The following DLGAP2 variants were observed in gnomAD, a reference collection of about 807,000 sequenced individuals.
DLGAP2 encodes disks large-associated protein 2.
In DLGAP2, 26 loss-of-function variants were observed where a neutral mutation model predicts 100.3. The ratio of observed to expected loss-of-function variants is 0.26; its 90% CI spans 0.19 to 0.36. The LOEUF (loss-of-function observed/expected upper bound fraction) is 0.36. Ranked by LOEUF, DLGAP2 falls within the 10% of genes least tolerant of loss-of-function variation. DLGAP2 has a pLI of 1.00. For synonymous variants in DLGAP2, 886 were observed against 630.1 expected (o/e 1.41, Z -6.08); for missense variants, 1,858 against 1,453.2 (o/e 1.28, Z -4.53).
At chr8:1,227,304 C>T (rs1798442441) in intron 2 of DLGAP2, among the ~76,000 whole-genome samples, 1 of 148,078 alleles carries the variant, frequency 6.8e-6, no homozygotes, top group African/African-American at 2.6e-5. Context: ...TCTTTTTCTC[C>T]TTTTCGATCA....
At chr8:1,266,089 C>G (rs1223495398) in intron 3 of DLGAP2, among the ~76,000 whole-genome samples, 1 of 152,198 alleles carries the variant, frequency 6.6e-6, no homozygotes, top group East Asian at 1.9e-4. Flanking sequence ...GACATAGAAC[C>G]TCACTGAAGG....
intron 1 of DLGAP2, among the ~76,000 whole-genome samples, chr8:773,568 A>C (rs1288347448): frequency 6.9e-6 from 1 of 145,098 alleles, no homozygotes; most frequent in African/African-American, 2.6e-5. Flanking sequence ...TCATTGTTCA[A>C]TTCCCACCTA....
chr8:1,287,298 A>G (rs1413174338), intron 3 of DLGAP2, among the ~76,000 whole-genome samples: 3 of 91,642 alleles, frequency 3.3e-5, no homozygotes, highest in Admixed American at 1.4e-4. Flanking sequence ...TAGGAGGGGA[A>G]CTAGTTTCGG....
chr8:1,058,358 G>T (rs989251984), intron 2 of DLGAP2, among the ~76,000 whole-genome samples: 2 of 152,190 alleles, frequency 1.3e-5, no homozygotes. Context: ...CGGCTCCGAC[G>T]GGCGACCTGA....
At chr8:830,982 G>T (rs1452788802) in intron 1 of DLGAP2, among the ~76,000 whole-genome samples, 1 of 144,660 alleles carries the variant, frequency 6.9e-6, no homozygotes, top group African/African-American at 2.6e-5. Context: ...TGCAACCTTT[G>T]CCTCCCGAGT....
At chr8:1,450,703 C>T (rs975956911) in intron 3 of DLGAP2, among the ~76,000 whole-genome samples, 1 of 152,076 alleles carries the variant, frequency 6.6e-6, no homozygotes, top group East Asian at 1.9e-4. Context: ...GTCCCCAGGG[C>T]CTTGGGATGA....
intron 3 of DLGAP2, among the ~76,000 whole-genome samples, chr8:1,449,070 C>T (rs1798064569): frequency 6.6e-6 from 1 of 152,156 alleles, no homozygotes; most frequent in Non-Finnish European, 1.5e-5. Flanking sequence ...CCCCCCAGAG[C>T]AGCTCTGGGA....
At chr8:1,541,668 A>C (rs1041449278) in intron 4 of DLGAP2, among the ~76,000 whole-genome samples, 3 of 152,142 alleles carry the variant, frequency 2.0e-5, no homozygotes, top group African/African-American at 7.2e-5. Context: ...GGGTTCTAGA[A>C]CCTCTGCCAG....
intron 3 of DLGAP2, among the ~76,000 whole-genome samples, chr8:1,492,016 A>G (rs1223637762): frequency 6.6e-6 from 1 of 152,210 alleles, no homozygotes; most frequent in Non-Finnish European, 1.5e-5. Flanking sequence ...CTGTTCTGAC[A>G]GAGGCACTGA....
At chr8:1,215,111 T>C (rs961829334) in intron 2 of DLGAP2, among the ~76,000 whole-genome samples, 2 of 152,160 alleles carry the variant, frequency 1.3e-5, no homozygotes, top group African/African-American at 4.8e-5. Flanking sequence ...TGAGGAACTT[T>C]GGGGCACTAA....
intron 6 of DLGAP2, among the ~76,000 whole-genome samples, chr8:1,608,962 C>G (rs1382746017): frequency 6.6e-6 from 1 of 152,002 alleles, no homozygotes; most frequent in African/African-American, 2.4e-5. Context: ...TTGGAAAACA[C>G]TCTACAGGAT....
In DLGAP2 at chr8:958,582, CAAAAAAA is replaced by C. The variant is rs1207044026; in HGVS notation, c.73+50632_73+50638del. On this transcript the variant is annotated intron_variant, in intron 2 of 14. Transcript: ENST00000637795. ...GTTATTGGAAATTAAACTAGACCTC[CAAAAAAA>C]AAAAAAAAAAAAAAACTTTTCCCGG... is the stretch of plus-strand genomic sequence containing the variant. Among the ~76,000 whole-genome samples, 362 of 85,744 alleles carry C rather than the reference CAAAAAAA, an allele frequency of 4.2e-3. 1 individual carries two copies. The highest frequency in any genetic ancestry group is 7.2e-3 in the Middle Eastern group (1 of 138). 56.3% of individuals were successfully genotyped at this position (85,744 alleles called of 152,430 possible). A position where few individuals can be genotyped will look rare whatever the true frequency, so the allele number is the denominator to read the frequency against.
At chr8:1,219,868 T>G (rs1174638075) in intron 2 of DLGAP2, among the ~76,000 whole-genome samples, 1 of 151,982 alleles carries the variant, frequency 6.6e-6, no homozygotes, top group Admixed American at 6.6e-5. Flanking sequence ...AATTTATTCT[T>G]TTTTTTTCTA....
chr8:1,575,455 TTTATTATTATTA>T (rs56350882), intron 6 of DLGAP2, among the ~76,000 whole-genome samples: 19 of 141,204 alleles, frequency 1.3e-4, no homozygotes, highest in South Asian at 7.1e-4. Context: ...GAGGATATTC[TTTATTATTATTA>T]TTATTATTAT....
intron 8 of DLGAP2, among the ~76,000 whole-genome samples, chr8:1,649,860 A>C (rs1585032266): frequency 6.6e-6 from 1 of 152,226 alleles, no homozygotes; most frequent in East Asian, 1.9e-4. Flanking sequence ...TTGGTTTTGG[A>C]AGCCAGGAAG....
At chr8:841,156 C>T (rs1167831956) in intron 1 of DLGAP2, among the ~76,000 whole-genome samples, 2 of 152,168 alleles carry the variant, frequency 1.3e-5, no homozygotes, top group African/African-American at 2.4e-5. Context: ...ATGGAAAAGG[C>T]AAGATAAATC....
At chr8:1,488,153 G>C (rs747661073) in intron 3 of DLGAP2, among the ~76,000 whole-genome samples, 2 of 152,150 alleles carry the variant, frequency 1.3e-5, no homozygotes, top group Non-Finnish European at 2.9e-5. Context: ...CCAGGTGGGA[G>C]GCTGGGAGTC....
chr8:879,173 G>A (rs1244025027), intron 1 of DLGAP2, among the ~76,000 whole-genome samples: 1 of 152,190 alleles, frequency 6.6e-6, no homozygotes, highest in Non-Finnish European at 1.5e-5. Context: ...GTCAGTTTGG[G>A]TTGGACCAGT....
At chr8:1,473,890 C>G (rs1798865051) in intron 3 of DLGAP2, among the ~76,000 whole-genome samples, 1 of 152,158 alleles carries the variant, frequency 6.6e-6, no homozygotes, top group Non-Finnish European at 1.5e-5. Flanking sequence ...ATTGTGAGGC[C>G]TCCCCAGCCA....
Sources: gnomAD v4.1 joint callset for allele counts (sites outside exome capture counted in the v4.1 genomes callset) on GRCh38, gnomAD v4.1.1 for gene constraint, MANE v1.5 for transcripts, NCBI Gene and HGNC (gene_info 2026-07-23, HGNC 2026-07-21) for gene names.